SPECC1: variants seen among roughly 807,000 people sequenced by gnomAD.
The protein encoded by SPECC1 is cytospin-B.
Under a neutral mutation model 104.1 loss-of-function variants are expected in SPECC1, and 62 were observed. That is an observed-to-expected ratio of 0.60 (90% CI 0.49 to 0.74). The LOEUF (loss-of-function observed/expected upper bound fraction) is 0.74, where lower values mean the gene tolerates loss of function less well. SPECC1 is among the 30% of genes least tolerant of loss of function. SPECC1 has a pLI of 0.00. For missense variants in SPECC1, 1,306 were observed against 1,310.5 expected (o/e 1.00, Z 0.05); for synonymous variants, 513 against 501.6 (o/e 1.02, Z -0.30).
At chr17:20,147,975 G>A (rs2031625411) in intron 3 of SPECC1, among the ~76,000 whole-genome samples, 1 of 152,098 alleles carries the variant, frequency 6.6e-6, no homozygotes, top group Admixed American at 6.5e-5. Context: ...CCAGGAGTTC[G>A]AGACTGCAGT....
intron 1 of SPECC1, among the ~76,000 whole-genome samples, chr17:20,021,745 C>T (rs1418158786): frequency 6.9e-6 from 1 of 145,946 alleles, no homozygotes; most frequent in African/African-American, 2.5e-5. Context: ...ACTGTGTCGG[C>T]CAGGATGGTC....
At chr17:20,010,980 A>G (rs530868847) in intron 1 of SPECC1, among the ~76,000 whole-genome samples, 2 of 152,364 alleles carry the variant, frequency 1.3e-5, no homozygotes, top group East Asian at 3.9e-4. Context: ...AGTGGTGGTC[A>G]CATTGCTAGA....
chr17:20,101,611 C>T (rs1301080480), intron 2 of SPECC1, among the ~76,000 whole-genome samples: 1 of 152,142 alleles, frequency 6.6e-6, no homozygotes, highest in Non-Finnish European at 1.5e-5. Flanking sequence ...CTGAGCACAG[C>T]CCAGAAAGAA....
chr17:20,204,113 C>T (rs1448208625), intron 3 of SPECC1, among the ~76,000 whole-genome samples: 2 of 152,142 alleles, frequency 1.3e-5, no homozygotes, highest in Non-Finnish European at 2.9e-5. Flanking sequence ...TGGGGTCATC[C>T]TGAGTAGCTC....
At chr17:20,038,808 A>C (rs770850227) in intron 1 of SPECC1, among the ~76,000 whole-genome samples, 4 of 152,222 alleles carry the variant, frequency 2.6e-5, no homozygotes, top group Admixed American at 6.5e-5. Context: ...TGATTTTAGA[A>C]ATGTGCTGTC....
intron 11 of SPECC1, among the ~76,000 whole-genome samples, chr17:20,257,990 G>A (rs926160078): frequency 2.0e-5 from 3 of 152,146 alleles, no homozygotes; most frequent in Admixed American, 1.3e-4. Context: ...CCTGAGAGCC[G>A]GGACTCTGCT....
intron 1 of SPECC1, among the ~76,000 whole-genome samples, chr17:20,022,422 G>A (rs947043877): frequency 6.6e-6 from 1 of 151,992 alleles, no homozygotes; most frequent in East Asian, 1.9e-4. Context: ...TTGATGTTTC[G>A]ACAGTGCACA....
intron 11 of SPECC1, among the ~76,000 whole-genome samples, chr17:20,257,997 T>C (rs1305651821): frequency 1.3e-5 from 2 of 152,214 alleles, no homozygotes; most frequent in Non-Finnish European, 2.9e-5. Flanking sequence ...GCCGGGACTC[T>C]GCTGTACATA....
At chr17:20,242,909 G>T (rs940737699) in intron 7 of SPECC1, among the ~76,000 whole-genome samples, 2 of 152,100 alleles carry the variant, frequency 1.3e-5, no homozygotes, top group African/African-American at 4.8e-5. Flanking sequence ...TGAAATTATC[G>T]ATTATTATCC....
chr17:20,152,900 C>T (rs916251647), intron 3 of SPECC1, among the ~76,000 whole-genome samples: 1 of 152,110 alleles, frequency 6.6e-6, no homozygotes, highest in Non-Finnish European at 1.5e-5. Flanking sequence ...CTCTTGACCT[C>T]GTGATCTGCC....
In SPECC1 at chr17:20,281,016, A is replaced by AGTTTG. The variant is rs2040751757; in HGVS notation, c.2941-15934_2941-15930dup. On this transcript the variant is annotated intron_variant, in intron 12 of 14. Transcript: ENST00000395527. ...GTGTGAGGAGGAAGGAGCGGGTCAC[A>AGTTTG]GTTTGGTTTGGTTTGTTCCTCTTTA... is the stretch of plus-strand genomic sequence containing the variant. Among the ~76,000 whole-genome samples, 3 of 152,310 alleles carry AGTTTG rather than the reference A, an allele frequency of 2.0e-5. No homozygotes were observed. In the South Asian group the frequency reaches 6.2e-4, roughly 32 times the overall value.
At chr17:20,305,957 T>C in intron 13 of SPECC1, 66 bp from the exon 14 acceptor site, 1 of 1,431,434 alleles carries the variant, frequency 7.0e-7, no homozygotes, top group Admixed American at 1.7e-5. Flanking sequence ...TCAGTTGATA[T>C]TCTTTCCTGG....
intron 13 of SPECC1, among the ~76,000 whole-genome samples, chr17:20,298,141 C>T (rs2142043138): frequency 6.6e-6 from 1 of 152,144 alleles, no homozygotes; most frequent in African/African-American, 2.4e-5. Context: ...CACTTGAGTT[C>T]AGGAGTTCAA....
chr17:20,066,486 C>G (rs1251944027), intron 1 of SPECC1, among the ~76,000 whole-genome samples: 2 of 152,164 alleles, frequency 1.3e-5, no homozygotes, highest in African/African-American at 4.8e-5. Flanking sequence ...CCATCCGGCT[C>G]CTGGAGCTTG....
At chr17:20,186,612 G>T (rs2035297519) in intron 3 of SPECC1, among the ~76,000 whole-genome samples, 1 of 152,188 alleles carries the variant, frequency 6.6e-6, no homozygotes, top group South Asian at 2.1e-4. Context: ...CGCTCAGGCT[G>T]AAGTGCAGTG....
At chr17:20,216,669 C>T (rs1045997617) in intron 4 of SPECC1, among the ~76,000 whole-genome samples, 4 of 152,102 alleles carry the variant, frequency 2.6e-5, no homozygotes, top group African/African-American at 7.2e-5. Flanking sequence ...TTTCTCTGTC[C>T]TCTCTGCAGG....
intron 3 of SPECC1, among the ~76,000 whole-genome samples, chr17:20,136,018 A>C (rs780234212): frequency 2.0e-4 from 31 of 152,126 alleles, no homozygotes; most frequent in African/African-American, 7.0e-4. Context: ...CACTGAGAAG[A>C]AGCCAAACTC....
chr17:20,095,190 G>T (rs2047586562), intron 1 of SPECC1, among the ~76,000 whole-genome samples: 1 of 152,140 alleles, frequency 6.6e-6, no homozygotes, highest in Non-Finnish European at 1.5e-5. Flanking sequence ...GGTTGAAGAA[G>T]AAAAATAATC....
intron 12 of SPECC1, among the ~76,000 whole-genome samples, chr17:20,265,143 G>C (rs1443253595): frequency 2.6e-5 from 4 of 152,192 alleles, no homozygotes; most frequent in African/African-American, 9.7e-5. Flanking sequence ...TCATGGGATT[G>C]CTGGGTCAAA....
Sources: allele counts gnomAD v4.1 joint callset (sites outside exome capture counted in the v4.1 genomes callset), GRCh38; gene constraint gnomAD v4.1.1; transcripts MANE v1.5; gene names NCBI Gene and HGNC (gene_info 2026-07-23, HGNC 2026-07-21).